The following SMIM23 variants were observed in gnomAD, a reference collection of about 807,000 sequenced individuals.
SMIM23 encodes the protein CTB-78H18.1.
SMIM23 carries 10 observed loss-of-function variants against 12.8 expected under a neutral mutation model. The ratio of observed to expected loss-of-function variants is 0.78; its 90% CI spans 0.48 to 1.32. SMIM23 has a LOEUF of 1.32. SMIM23 is among the 40% of genes most tolerant of loss of function. The pLI, the probability that SMIM23 is intolerant of heterozygous loss-of-function variation, is 0.00. For synonymous variants in SMIM23, 78 were observed against 80.1 expected (o/e 0.97, Z 0.14); for missense variants, 184 against 198.2 (o/e 0.93, Z 0.43).
chr5:171,781,174 GT>G (rs1243220465), upstream of SMIM23, among the ~76,000 whole-genome samples: 4 of 152,138 alleles, frequency 2.6e-5, no homozygotes, highest in Admixed American at 2.0e-4. Flanking sequence ...CCTCGGTAAG[GT>G]TTTCCTTTTA....
the SMIM23 span, among the ~76,000 whole-genome samples, chr5:171,775,134 T>C: frequency 3.9e-5 from 6 of 152,158 alleles, no homozygotes; most frequent in Non-Finnish European, 7.4e-5. Context: ...ATTTGACAAA[T>C]AGACACTGAG....
chr5:171,786,063 G>T, intron 1 of SMIM23, 87 bp downstream of exon 1: 1 of 1,118,536 alleles, frequency 8.9e-7, no homozygotes, highest in South Asian at 1.4e-5. Flanking sequence ...TCAAAGCCCG[G>T]AATGAATCTT....
chr5:171,777,054 CCTT>C, the SMIM23 span, among the ~76,000 whole-genome samples: 1 of 146,350 alleles, frequency 6.8e-6, no homozygotes, highest in Admixed American at 6.7e-5. Context: ...GCTTCCCCCT[CCTT>C]TTTTTTTTTT....
the SMIM23 span, chr5:171,774,537 G>A: frequency 2.2e-6 from 1 of 456,032 alleles, no homozygotes; most frequent in African/African-American, 2.0e-5. Context: ...GCCCCTTGTG[G>A]GTTTGAAGTT....
chr5:171,780,792 G>C (rs914929093), upstream of SMIM23, among the ~76,000 whole-genome samples: 8 of 152,012 alleles, frequency 5.3e-5, no homozygotes, highest in Non-Finnish European at 1.0e-4. Flanking sequence ...ACCTTTCCTT[G>C]GACTGTCTTG....
At chr5:171,790,436 T>C (rs1271939956) in intron 2 of SMIM23, 46 bp from the exon 3 acceptor site, 1 of 1,529,898 alleles carries the variant, frequency 6.5e-7, no homozygotes, top group African/African-American at 1.4e-5. Flanking sequence ...TTTATTTCAA[T>C]TAGTGCTCAT....
chr5:171,776,010 T>G, the SMIM23 span, among the ~76,000 whole-genome samples: 1 of 152,206 alleles, frequency 6.6e-6, no homozygotes, highest in Admixed American at 6.5e-5. Flanking sequence ...TAGCTGGGAT[T>G]ATAGGCATGA....
chr5:171,776,260 G>A, the SMIM23 span, among the ~76,000 whole-genome samples: 2 of 150,004 alleles, frequency 1.3e-5, no homozygotes, highest in Non-Finnish European at 2.9e-5. Context: ...ACAGTGAGCG[G>A]GGGAGGGGGG....
upstream of SMIM23, among the ~76,000 whole-genome samples, chr5:171,778,866 C>T (rs1286794305): frequency 1.3e-5 from 2 of 152,312 alleles, no homozygotes; most frequent in African/African-American, 4.8e-5. Context: ...TCAGTGTCTG[C>T]CTGTGGTATG....
At chr5:171,786,952 T>C (rs539825754) in intron 1 of SMIM23, among the ~76,000 whole-genome samples, 1 of 151,430 alleles carries the variant, frequency 6.6e-6, no homozygotes, top group East Asian at 1.9e-4. Context: ...TCTGCATAGC[T>C]TTGTTTACCA....
intron 3 of SMIM23, 104 bp from the exon 4 acceptor site, chr5:171,790,691 G>A (rs1228669691): frequency 3.6e-6 from 5 of 1,389,756 alleles, no homozygotes; most frequent in Non-Finnish European, 4.9e-6. Context: ...AGCACAATGA[G>A]TAGCATGTGC....
chr5:171,780,229 C>A (rs1470031512), upstream of SMIM23, among the ~76,000 whole-genome samples: 2 of 152,172 alleles, frequency 1.3e-5, no homozygotes, highest in Non-Finnish European at 2.9e-5. Context: ...TCATTCCCTG[C>A]CCCCGCCAAC....
chr5:171,782,413 G>A (rs891327080), upstream of SMIM23: 2 of 152,172 alleles, frequency 1.3e-5, no homozygotes, highest in Admixed American at 6.5e-5. Context: ...ACTAAGGCAG[G>A]GTATGTGCCA....
Position 171,790,972 on chromosome 5 carries a change from G to C in SMIM23, c.403G>C (p.Glu135Gln). 1 of 1,536,082 alleles carries C rather than the reference G, an allele frequency of 6.5e-7. No homozygotes were observed. Among genetic ancestry groups the C allele is most frequent in the Non-Finnish European group, 8.7e-7 (1 of 1,146,936 alleles). The stretch of plus-strand genomic sequence containing the variant: ...TGCTCTTCTGGGAGAGCCACACCAG[G>C]AGGAGCACTGCTCCACATATAAAAG... ...LDALLGEPHQEEHCSTYKSHL... is the reference protein window; with the variant it reads ...LDALLGEPHQQEHCSTYKSHL... Residue 135 changes from glutamate to glutamine, a missense_variant, in exon 4 of 4, where the codon GAG (glutamate) becomes CAG (glutamine). Transcript: ENST00000523047.
chr5:171,785,259 A>T (rs1755792743), upstream of SMIM23, among the ~76,000 whole-genome samples: 1 of 152,094 alleles, frequency 6.6e-6, no homozygotes, highest in South Asian at 2.1e-4. Context: ...GTGATCTCCT[A>T]CTGCAGTGAG....
the SMIM23 span, among the ~76,000 whole-genome samples, chr5:171,775,084 G>C: frequency 6.6e-6 from 1 of 152,292 alleles, no homozygotes; most frequent in Admixed American, 6.5e-5. Flanking sequence ...ACCTTAGACT[G>C]CTAGTTACCA....
At chr5:171,778,131 G>C (rs949808024), upstream of SMIM23, among the ~76,000 whole-genome samples, 2 of 152,166 alleles carry the variant, frequency 1.3e-5, no homozygotes, top group South Asian at 4.1e-4. Flanking sequence ...AGGCCGAGGC[G>C]GGCGGATCAC....
At chr5:171,787,442 T>C (rs1171771483) in intron 1 of SMIM23, among the ~76,000 whole-genome samples, 1 of 152,210 alleles carries the variant, frequency 6.6e-6, no homozygotes, top group Admixed American at 6.5e-5. Flanking sequence ...TCCTAGTCCA[T>C]GTTCCTCCCT....
chr5:171,776,799 A>G, the SMIM23 span, among the ~76,000 whole-genome samples: 2 of 151,970 alleles, frequency 1.3e-5, no homozygotes, highest in East Asian at 3.9e-4. Flanking sequence ...TTTCTCCCTC[A>G]CCCTCCAACC....
Sources: allele counts gnomAD v4.1 joint callset (sites outside exome capture counted in the v4.1 genomes callset), GRCh38; gene constraint gnomAD v4.1.1; transcripts MANE v1.5; gene names NCBI Gene and HGNC (gene_info 2026-07-23, HGNC 2026-07-21).